CCS: variants seen among roughly 807,000 people sequenced by gnomAD.
CCS encodes superoxide dismutase copper chaperone.
Under a neutral mutation model 35.5 loss-of-function variants are expected in CCS, and 32 were observed. The ratio of observed to expected loss-of-function variants is 0.90; its 90% CI spans 0.68 to 1.21. The LOEUF is 1.21. Among genes scored for constraint, CCS ranks in the 50% most tolerant of loss-of-function variants. The probability of loss-of-function intolerance (pLI) is 0.00; values close to 1 mark genes in which losing one functional copy is unlikely to be tolerated. For missense variants in CCS, 342 were observed against 375.4 expected, an observed-to-expected ratio of 0.91 and a Z score of 0.73; for synonymous variants, 130 against 147.2, an observed-to-expected ratio of 0.88 and a Z score of 0.84.
At chr11:66,593,525 G>C (rs1489287288) in intron 1 of CCS, 117 bp from the exon 2 acceptor site, 2 of 1,091,640 alleles carry the variant, frequency 1.8e-6, no homozygotes, top group Admixed American at 2.0e-5. Context: ...TGCTTGAAGA[G>C]GGGTTAAGTG....
At chr11:66,596,189 C>G (rs866023893) in intron 2 of CCS, among the ~76,000 whole-genome samples, 1 of 151,928 alleles carries the variant, frequency 6.6e-6, no homozygotes, top group Non-Finnish European at 1.5e-5. Context: ...ACCTCAGCCT[C>G]CTGAGTAGCT....
chr11:66,600,479 T>C lies in CCS; in HGVS notation c.429-10T>C. The C allele has an allele frequency of 6.6e-7, 1 of 1,519,542 alleles. No individual in the cohort carries two copies. Among genetic ancestry groups the C allele is most frequent in the Admixed American group, 2.1e-5 (1 of 47,758 alleles). The allele number at this position is 1,519,542 out of a possible 1,614,324, so 94.1% of individuals were successfully genotyped here. A position where few individuals can be genotyped will look rare whatever the true frequency, so the allele number is the denominator to read the frequency against. ...TGCTTTCCTGCCCACCTGTTTCCTT[T>C]CTTTCTTAGCTGTGGGAATCACTTT... is the stretch of plus-strand genomic sequence containing the variant. On this transcript the variant is annotated splice_polypyrimidine_tract_variant and intron_variant, in intron 4 of 7. Transcript: ENST00000533244.
At chr11:66,604,900 C>G (rs1348743217) in intron 5 of CCS, among the ~76,000 whole-genome samples, 1 of 152,142 alleles carries the variant, frequency 6.6e-6, no homozygotes, top group Non-Finnish European at 1.5e-5. Flanking sequence ...CAACTTAAGC[C>G]TATAGGAATT....
At chr11:66,601,442 A>G (rs1400263460) in intron 5 of CCS, among the ~76,000 whole-genome samples, 1 of 152,196 alleles carries the variant, frequency 6.6e-6, no homozygotes, top group Admixed American at 6.5e-5. Context: ...GTGCCACAAA[A>G]CAATTGAAAC....
Position 66,599,621 on chromosome 11 carries a change from C to G in CCS, c.413C>G (p.Thr138Arg). Residue 138 changes from threonine (T) to arginine (R), a missense_variant, in exon 4 of 8, where the codon ACA becomes AGA. Physicochemically the swap from Thr to Arg is moderately conservative, Grantham distance 71. Transcript: ENST00000533244. ...GLHVHQYGDLTNNCNSCGNHF... is the reference protein window; with the variant it reads ...GLHVHQYGDLRNNCNSCGNHF... ...CACGTCCATCAGTACGGGGACCTTA[C>G]AAACAACTGCAACAGGTGAGTTGTC... The G allele has an allele frequency of 6.2e-7, 1 of 1,611,006 alleles. No individual in the cohort carries two copies. Among genetic ancestry groups the G allele is most frequent in the East Asian group, 2.2e-5 (1 of 44,770 alleles).
intron 4 of CCS, 50 bp from the exon 5 acceptor site, chr11:66,600,439 A>C: frequency 9.0e-7 from 1 of 1,115,018 alleles, no homozygotes; most frequent in Non-Finnish European, 1.3e-6. Context: ...AGGGTAGAGC[A>C]CCTGGCCTGT....
rs765242047 is a variant in CCS, at chr11:66,599,551, A to T, written c.343A>T (p.Ile115Phe). Residue 115 changes from isoleucine (I) to phenylalanine (F), a missense_variant, in exon 4 of 8, where the codon ATC becomes TTC. Ile to Phe is a conservative substitution (Grantham distance 21). Coordinates refer to ENST00000533244, the MANE Select transcript of CCS (RefSeq NM_005125.2). ...FLQLTPERCLIEGTIDGLEPG... is the reference protein window; with the variant it reads ...FLQLTPERCLFEGTIDGLEPG... ...ACAGCTGACCCCTGAGCGCTGCCTC[A>T]TCGAGGGAACTATTGACGGCCTGGA... 6.2e-7 allele frequency: 1 copy of T among 1,604,396 alleles called. No homozygotes were observed. The highest frequency in any genetic ancestry group is 1.1e-5 in the South Asian group (1 of 90,142).
intron 5 of CCS, among the ~76,000 whole-genome samples, chr11:66,601,720 T>G (rs1054530606): frequency 6.6e-6 from 1 of 152,034 alleles, no homozygotes; most frequent in African/African-American, 2.4e-5. Context: ...TGTACCATTA[T>G]GCCCAGCTAA....
chr11:66,601,620 G>A (rs923121479), intron 5 of CCS, among the ~76,000 whole-genome samples: 13 of 151,276 alleles, frequency 8.6e-5, no homozygotes, highest in African/African-American at 2.9e-4. Context: ...CCATGCTGGA[G>A]TGCAGTGCTG....
intron 2 of CCS, among the ~76,000 whole-genome samples, chr11:66,597,406 C>T (rs191878735): frequency 6.7e-6 from 1 of 150,352 alleles, no homozygotes; most frequent in African/African-American, 2.5e-5. Flanking sequence ...TGCAGTGAGC[C>T]GAGATTGTGC....
chr11:66,593,709 T>G lies in CCS; in HGVS notation c.107T>G (p.Val36Gly), dbSNP rs753372996. The change falls in exon 2 of 8, where the codon GTG becomes GGG. Residue 36 changes from valine to glycine, a missense_variant. Val to Gly is a moderately radical substitution (Grantham distance 109). Transcript: ENST00000533244. ...GCGGTGCGCAAATCCCTGCAAGGGGTGGCAGGTAAGAACAGGGTAAACTTT... is the reference window on the plus strand; with the variant it reads ...GCGGTGCGCAAATCCCTGCAAGGGGGGGCAGGTAAGAACAGGGTAAACTTT... ...VDAVRKSLQG[V>G]AGVQDVEVHL... 1.2e-6 allele frequency: 2 copies of G among 1,613,704 alleles called. No individual in the cohort carries two copies. Among genetic ancestry groups the G allele is most frequent in the East Asian group, 4.5e-5 (2 of 44,820 alleles).
chr11:66,599,254 G>T lies in CCS; in HGVS notation c.250+1G>T. ...AAGGGCATGGGCAGCGGCCAGTTGCGTGAGTGACCACTGTGGCCTTGGCCC... is the reference window on the plus strand; with the variant it reads ...AAGGGCATGGGCAGCGGCCAGTTGCTTGAGTGACCACTGTGGCCTTGGCCC... On this transcript the variant is annotated splice_donor_variant, in intron 3 of 7. Transcript: ENST00000533244. LOFTEE classifies it high-confidence loss of function. 6.3e-7 allele frequency: 1 copy of T among 1,599,626 alleles called. No individual in the cohort carries two copies.
At chr11:66,593,609 G>GCGATCAT in intron 1 of CCS, 33 bp from the exon 2 acceptor site, 1 of 1,609,482 alleles carries the variant, frequency 6.2e-7, no homozygotes, top group Non-Finnish European at 8.5e-7. Context: ...CACTTCCCCA[G>GCGATCAT]CGATCATCGG....
chr11:66,601,891 T>C (rs1489042627), intron 5 of CCS, among the ~76,000 whole-genome samples: 1 of 152,136 alleles, frequency 6.6e-6, no homozygotes, highest in East Asian at 1.9e-4. Flanking sequence ...TTTTTTTTTT[T>C]TCTTTTTCTT....
In CCS at chr11:66,605,887, T is replaced by C; in HGVS notation, c.*32T>C. ...CCTCACCTTGGCTCTGTTGCTGTCC[T>C]CCAGGGCGAGCACTTTCCACTTCCA... On this transcript the variant is annotated 3_prime_UTR_variant, in exon 8 of 8. Transcript: ENST00000533244. The C allele has an allele frequency of 6.8e-7, 1 of 1,464,060 alleles. No homozygotes were observed. The highest frequency in any genetic ancestry group is 1.4e-5 in the African/African-American group (1 of 70,860). 90.7% of individuals were successfully genotyped at this position (1,464,060 alleles called of 1,614,324 possible). A position where few individuals can be genotyped will look rare whatever the true frequency, so the allele number is the denominator to read the frequency against.
rs1590827056 is a variant in CCS, at chr11:66,593,656, G to C, written c.54G>C (p.Val18=). The C allele has an allele frequency of 6.2e-7, 1 of 1,613,972 alleles. No homozygotes were observed. The highest frequency in any genetic ancestry group is 2.2e-5 in the East Asian group (1 of 44,882). The change falls in exon 2 of 8, where the codon GTG becomes GTC. Residue 18 remains valine (V), a synonymous_variant. Coordinates refer to ENST00000533244, the MANE Select transcript of CCS (RefSeq NM_005125.2). ...CGCCCTTGCAGTTGGAGTTCGCGGT[G>C]CAGATGACCTGTCAGAGCTGTGTGG... ...QGTLCTLEFA[V]QMTCQSCVDA...
intron 2 of CCS, among the ~76,000 whole-genome samples, chr11:66,597,315 G>A (rs1858493649): frequency 6.6e-6 from 1 of 151,850 alleles, no homozygotes. Context: ...AAAATCAGCT[G>A]GGCGTGATGG....
chr11:66,600,367 A>C, intron 4 of CCS, 122 bp from the exon 5 acceptor site: 1 of 600,400 alleles, frequency 1.7e-6, no homozygotes, highest in Non-Finnish European at 2.8e-6. Flanking sequence ...CCCAGCACAG[A>C]GTAGGCCTGT....
chr11:66,604,318 A>T (rs145588755), intron 5 of CCS, among the ~76,000 whole-genome samples: 262 of 152,278 alleles, frequency 1.7e-3, no homozygotes, highest in African/African-American at 6.0e-3. Context: ...CAAATCTCCA[A>T]CGCAGGGCGT....
Sources: gnomAD v4.1 joint callset for allele counts (sites outside exome capture counted in the v4.1 genomes callset) on GRCh38, gnomAD v4.1.1 for gene constraint, MANE v1.5 for transcripts, NCBI Gene and HGNC (gene_info 2026-07-23, HGNC 2026-07-21) for gene names.